The following CFAP107 variants were observed in gnomAD, a reference collection of about 807,000 sequenced individuals.
The protein encoded by CFAP107 is cilia and flagella associated protein 107, also known as cilia- and flagella-associated protein 107.
At chr1:12,752,324 C>T in the CFAP107 span, among the ~76,000 whole-genome samples, 1 of 151,920 alleles carries the variant, frequency 6.6e-6, no homozygotes, top group Non-Finnish European at 1.5e-5. Context: ...GTGGCTCATG[C>T]CTGTAGTCCC....
chr1:12,761,225 G>A, the CFAP107 span: 3 of 347,990 alleles, frequency 8.6e-6, no homozygotes, highest in African/African-American at 4.2e-5. Flanking sequence ...AAAACAGGAA[G>A]GGCCCTTAAG....
the CFAP107 span, among the ~76,000 whole-genome samples, chr1:12,758,807 G>A: frequency 3.3e-5 from 5 of 152,200 alleles, no homozygotes; most frequent in Non-Finnish European, 5.9e-5. Context: ...TGAGCAAGCT[G>A]TAAATCCTGT....
the CFAP107 span, among the ~76,000 whole-genome samples, chr1:12,758,249 A>G: frequency 1.3e-5 from 2 of 152,134 alleles, no homozygotes; most frequent in Non-Finnish European, 2.9e-5. Context: ...TGTGGCTGTC[A>G]CTTTCCCAAA....
At chr1:12,749,057 T>C in the CFAP107 span, among the ~76,000 whole-genome samples, 7 of 151,990 alleles carry the variant, frequency 4.6e-5, no homozygotes, top group Non-Finnish European at 1.0e-4. Context: ...ATACATGCAT[T>C]AAGGGAATTC....
chr1:12,760,732 G>A, the CFAP107 span: 1,651 of 1,592,232 alleles, frequency 1.0e-3, 32 homozygotes, highest in South Asian at 0.015. Context: ...GACTCCTTCT[G>A]TAAGCCCCAT....
chr1:12,750,942 C>A, the CFAP107 span, among the ~76,000 whole-genome samples: 1 of 151,200 alleles, frequency 6.6e-6, no homozygotes, highest in Non-Finnish European at 1.5e-5. Flanking sequence ...TAAAATCATA[C>A]AAAGTATCTT....
At chr1:12,752,354 G>A in the CFAP107 span, among the ~76,000 whole-genome samples, 2 of 149,698 alleles carry the variant, frequency 1.3e-5, no homozygotes, top group African/African-American at 5.1e-5. Flanking sequence ...GGAAGCCAAG[G>A]CAGGCAGATC....
At chr1:12,755,905 T>C in the CFAP107 span, 20 of 843,710 alleles carry the variant, frequency 2.4e-5, no homozygotes, top group Non-Finnish European at 3.7e-5. Context: ...TAGTACCGTC[T>C]TGGGGGAAAT....
At chr1:12,761,531 GT>G in the CFAP107 span, 23 of 139,184 alleles carry the variant, frequency 1.7e-4, no homozygotes, top group South Asian at 2.3e-4. Flanking sequence ...AAATCTTTGT[GT>G]TTTTTTTTTT....
chr1:12,759,434 G>A, the CFAP107 span: 1 of 1,614,100 alleles, frequency 6.2e-7, no homozygotes, highest in Non-Finnish European at 8.5e-7. Context: ...CTCCGCACTT[G>A]GAATGGACAG....
At chr1:12,760,648 C>T in the CFAP107 span, 6 of 986,004 alleles carry the variant, frequency 6.1e-6, no homozygotes, top group Admixed American at 1.5e-4. Flanking sequence ...AGCCTTGGTC[C>T]CTGACAGAGC....
the CFAP107 span, chr1:12,755,850 AC>A: frequency 7.0e-7 from 1 of 1,437,316 alleles, no homozygotes; most frequent in Non-Finnish European, 9.8e-7. Context: ...TCAGGCCTGG[AC>A]CCCACCCAAA....
chr1:12,746,370 C>A, the CFAP107 span: 1 of 1,401,040 alleles, frequency 7.1e-7, no homozygotes, highest in Middle Eastern at 1.8e-4. Context: ...TAACACCTTC[C>A]TCTCCCCGCC....
the CFAP107 span, among the ~76,000 whole-genome samples, chr1:12,751,348 C>T: frequency 6.6e-6 from 1 of 151,982 alleles, no homozygotes; most frequent in African/African-American, 2.4e-5. Flanking sequence ...GAGTTGGGAC[C>T]GGGCGCGGTG....
At chr1:12,758,705 A>G in the CFAP107 span, among the ~76,000 whole-genome samples, 1 of 152,334 alleles carries the variant, frequency 6.6e-6, no homozygotes. Context: ...AAAAGCACTG[A>G]TTCAGGCAAA....
At chr1:12,751,663 T>C in the CFAP107 span, among the ~76,000 whole-genome samples, 3 of 152,130 alleles carry the variant, frequency 2.0e-5, no homozygotes, top group East Asian at 3.9e-4. Context: ...GAAAACCAAA[T>C]TGGTTTTTTG....
At chr1:12,755,610 A>G in the CFAP107 span, 1 of 846,034 alleles carries the variant, frequency 1.2e-6, no homozygotes, top group Non-Finnish European at 2.0e-6. Flanking sequence ...TTCCCTACCC[A>G]TCTTCTGATG....
At chr1:12,746,615 T>C in the CFAP107 span, 1 of 1,076,328 alleles carries the variant, frequency 9.3e-7, no homozygotes. Flanking sequence ...AGTTCATCAC[T>C]ATTTTCAAAT....
the CFAP107 span, among the ~76,000 whole-genome samples, chr1:12,751,815 T>C: frequency 6.6e-6 from 1 of 152,204 alleles, no homozygotes; most frequent in Non-Finnish European, 1.5e-5. Context: ...AAGAGAATAC[T>C]GTGAACAATT....
Sources: allele counts gnomAD v4.1 joint callset (sites outside exome capture counted in the v4.1 genomes callset), GRCh38; gene constraint gnomAD v4.1.1; transcripts MANE v1.5; gene names NCBI Gene and HGNC (gene_info 2026-07-23, HGNC 2026-07-21).